The following RNF217 variants were observed in gnomAD, a reference collection of about 807,000 sequenced individuals.
RNF217 encodes E3 ubiquitin-protein ligase RNF217.
RNF217 carries 31 observed loss-of-function variants against 57.8 expected under a neutral mutation model. The observed-to-expected ratio is 0.54, with a 90% confidence interval of 0.40 to 0.72. The LOEUF (loss-of-function observed/expected upper bound fraction) is 0.72. Ranked by LOEUF, RNF217 falls within the 30% of genes least tolerant of loss-of-function variation. RNF217 has a pLI of 0.00. For synonymous variants in RNF217, 313 were observed against 294.0 expected, an observed-to-expected ratio of 1.06 and a Z score of -0.66; for missense variants, 696 against 708.3, an observed-to-expected ratio of 0.98 and a Z score of 0.20.
At chr6:125,033,955 G>C (rs1464060524) in intron 1 of RNF217, among the ~76,000 whole-genome samples, 4 of 151,862 alleles carry the variant, frequency 2.6e-5, no homozygotes, top group Non-Finnish European at 5.9e-5. Context: ...GTGATGATGA[G>C]CATTTTTTCA....
chr6:125,052,284 T>TTGTATGTGTGTGTGTGTG (rs374838947), intron 2 of RNF217, among the ~76,000 whole-genome samples: 6 of 143,232 alleles, frequency 4.2e-5, no homozygotes, highest in African/African-American at 1.5e-4. Context: ...GTCATGCGTT[T>TTGTATGTGTGTGTGTGTG]TGTGTGTGTG....
chr6:124,971,869 G>GTA (rs1293627523), intron 1 of RNF217, among the ~76,000 whole-genome samples: 1 of 152,196 alleles, frequency 6.6e-6, no homozygotes, highest in Non-Finnish European at 1.5e-5. Flanking sequence ...TGGTGTCTGT[G>GTA]TAGTCCTGAG....
At chr6:125,038,175 G>C (rs1786723270) in intron 1 of RNF217, among the ~76,000 whole-genome samples, 1 of 152,058 alleles carries the variant, frequency 6.6e-6, no homozygotes, top group South Asian at 2.1e-4. Context: ...TTCAAGCATG[G>C]AAATGTTTTT....
chr6:124,989,431 A>C (rs928680265), intron 1 of RNF217, among the ~76,000 whole-genome samples: 1 of 152,188 alleles, frequency 6.6e-6, no homozygotes, highest in Admixed American at 6.5e-5. Flanking sequence ...ATGGTAAGGT[A>C]ATATGCATGG....
chr6:125,040,776 T>C (rs1055499640), intron 1 of RNF217, among the ~76,000 whole-genome samples: 1 of 152,228 alleles, frequency 6.6e-6, no homozygotes, highest in East Asian at 1.9e-4. Context: ...GATGCAAGAC[T>C]GATTCAACAT....
chr6:124,976,953 C>T (rs888463377), intron 1 of RNF217, among the ~76,000 whole-genome samples: 3 of 152,170 alleles, frequency 2.0e-5, no homozygotes, highest in Non-Finnish European at 4.4e-5. Context: ...CAGGAAAACC[C>T]TGAAAGGATA....
chr6:125,070,865 A>C (rs542755759), intron 3 of RNF217, among the ~76,000 whole-genome samples: 30 of 152,256 alleles, frequency 2.0e-4, no homozygotes, highest in African/African-American at 7.0e-4. Flanking sequence ...GCAGTAATAC[A>C]TAACAGTCAA....
chr6:124,975,871 T>TTAACTTCA (rs1422207271), intron 1 of RNF217, among the ~76,000 whole-genome samples: 1 of 152,228 alleles, frequency 6.6e-6, no homozygotes, highest in Non-Finnish European at 1.5e-5. Flanking sequence ...AGTTTTACTC[T>TTAACTTCA]TAACTTCAGT....
chr6:125,052,046 T>A (rs1213450474), intron 2 of RNF217, among the ~76,000 whole-genome samples: 4 of 151,980 alleles, frequency 2.6e-5, no homozygotes, highest in African/African-American at 9.7e-5. Flanking sequence ...TATGAAATAG[T>A]GATTTTCAAA....
At chr6:125,044,440 A>T (rs1402888227) in intron 1 of RNF217, among the ~76,000 whole-genome samples, 1 of 152,112 alleles carries the variant, frequency 6.6e-6, no homozygotes, top group Non-Finnish European at 1.5e-5. Flanking sequence ...AATGCTAAAC[A>T]TATCTAGTAC....
rs546363964 is a variant in RNF217 at position 125,085,044 on chromosome 6, A to G, written c.*2107A>G. Reference sequence around the variant, plus strand: ...TATATATGTCATATGTATGATATATATGAAATATTCCCATAACTGCATATG... The same window carrying G: ...TATATATGTCATATGTATGATATATGTGAAATATTCCCATAACTGCATATG... On this transcript the variant is annotated 3_prime_UTR_variant, in exon 6 of 6. Coordinates refer to ENST00000521654, the MANE Select transcript of RNF217 (RefSeq NM_001286398.3). 3.9e-5 allele frequency: 6 copies of G among 152,028 alleles called. No individual in the cohort carries two copies. The South Asian group carries it at 1.2e-3, about 32-fold the overall frequency. The allele number at this position is 152,028 out of a possible 1,614,324, so 9.4% of individuals were successfully genotyped here. A position where few individuals can be genotyped will look rare whatever the true frequency, so the allele number is the denominator to read the frequency against.
At chr6:124,968,769 A>C (rs1338268748) in intron 1 of RNF217, among the ~76,000 whole-genome samples, 6 of 152,206 alleles carry the variant, frequency 3.9e-5, no homozygotes, top group Non-Finnish European at 7.3e-5. Context: ...TTAACTCCTG[A>C]TACAAAAGAC....
intron 1 of RNF217, chr6:125,009,175 T>C: frequency 6.5e-7 from 1 of 1,550,260 alleles, no homozygotes; most frequent in Non-Finnish European, 8.7e-7. Context: ...TATTCATAGG[T>C]CCATTGCCAG....
intron 1 of RNF217, among the ~76,000 whole-genome samples, chr6:124,984,078 A>G (rs775445296): frequency 2.0e-5 from 3 of 152,224 alleles, no homozygotes; most frequent in Admixed American, 6.5e-5. Context: ...AATACCATTC[A>G]CCTTTGGTGT....
rs970377412 is a variant in RNF217, at chr6:125,091,718, G to T, written c.*8781G>T. ...CATTAAAAATAAAAGTAACTGTATGGTACTTCAGGAATTTGACCAGTTCCT... is the reference window on the plus strand; with the variant it reads ...CATTAAAAATAAAAGTAACTGTATGTTACTTCAGGAATTTGACCAGTTCCT... On this transcript the variant is annotated 3_prime_UTR_variant, in exon 6 of 6. Transcript: ENST00000521654. 1 of 152,024 alleles carries T rather than the reference G, an allele frequency of 6.6e-6. No homozygotes were observed. Among genetic ancestry groups the T allele is most frequent in the African/African-American group, 2.4e-5 (1 of 41,406 alleles). The allele number at this position is 152,024 out of a possible 1,614,324, so 9.4% of individuals were successfully genotyped here. A position where few individuals can be genotyped will look rare whatever the true frequency, so the allele number is the denominator to read the frequency against.
chr6:125,090,433 T>C lies in RNF217; in HGVS notation c.*7496T>C. 1 of 151,962 alleles carries C rather than the reference T, an allele frequency of 6.6e-6. No homozygotes were observed. The allele number at this position is 151,962 out of a possible 1,614,324, so 9.4% of individuals were successfully genotyped here. A position where few individuals can be genotyped will look rare whatever the true frequency, so the allele number is the denominator to read the frequency against. ...ACAAACATTTATATCAATGTATATC[T>C]ATTTCAAAACTGTGGGACAATTATT... On this transcript the variant is annotated 3_prime_UTR_variant, in exon 6 of 6. Transcript: ENST00000521654.
At position 125,091,993 on chromosome 6, in the gene RNF217, G is replaced by T. The variant is rs1788967286; in HGVS notation, c.*9056G>T. The T allele has an allele frequency of 1.3e-5, 2 of 151,966 alleles. No individual in the cohort carries two copies. Among genetic ancestry groups the T allele is most frequent in the Admixed American group, 1.3e-4 (2 of 15,256 alleles). 9.4% of individuals were successfully genotyped at this position (151,966 alleles called of 1,614,324 possible). On this transcript the variant is annotated 3_prime_UTR_variant, in exon 6 of 6. Coordinates refer to ENST00000521654, the MANE Select transcript of RNF217 (RefSeq NM_001286398.3). ...CAACTTTTCCTGATGAATGTATGCT[G>T]AATAATTAAACTAAACCATGTGCTT...
intron 1 of RNF217, among the ~76,000 whole-genome samples, chr6:125,030,864 G>C (rs1029235114): frequency 6.6e-6 from 1 of 152,172 alleles, no homozygotes; most frequent in Non-Finnish European, 1.5e-5. Context: ...ACACTGTGTA[G>C]GGTCTCCGAC....
intron 1 of RNF217, among the ~76,000 whole-genome samples, chr6:124,964,376 C>T (rs1030003690): frequency 4.6e-5 from 7 of 152,250 alleles, no homozygotes; most frequent in Middle Eastern, 3.4e-3. Context: ...CTTATATTAT[C>T]TTACATGCAC....
Sources: gnomAD v4.1 joint callset for allele counts (sites outside exome capture counted in the v4.1 genomes callset) on GRCh38, gnomAD v4.1.1 for gene constraint, MANE v1.5 for transcripts, NCBI Gene and HGNC (gene_info 2026-07-23, HGNC 2026-07-21) for gene names.